The following LRBA variants were observed in gnomAD, a reference collection of about 807,000 sequenced individuals.
LRBA encodes LPS responsive beige-like anchor protein.
LRBA carries 176 observed loss-of-function variants against 330.0 expected under a neutral mutation model. The ratio of observed to expected loss-of-function variants is 0.53; its 90% CI spans 0.47 to 0.60. The LOEUF is 0.60. Among genes scored for constraint, LRBA ranks in the 20% least tolerant of loss-of-function variants. LRBA has a pLI of 0.00. For missense variants in LRBA, 3,259 were observed against 3,444.8 expected, an observed-to-expected ratio of 0.95 and a Z score of 1.35; for synonymous variants, 1,230 against 1,193.0, an observed-to-expected ratio of 1.03 and a Z score of -0.64.
chr4:150,311,414 ATATT>A (rs1190922566), intron 51 of LRBA: 1 of 152,214 alleles, frequency 6.6e-6, no homozygotes, highest in Non-Finnish European at 1.5e-5. Flanking sequence ...ACATAGAAAA[ATATT>A]TATATGCTAT....
intron 31 of LRBA, among the ~76,000 whole-genome samples, chr4:150,813,427 G>A (rs1395910858): frequency 6.6e-6 from 1 of 151,942 alleles, no homozygotes; most frequent in Non-Finnish European, 1.5e-5. Flanking sequence ...CATAAGCTAA[G>A]GTATACTATT....
At chr4:150,471,825 T>C (rs1283544560) in intron 42 of LRBA, 86 bp from the exon 43 acceptor site, 1 of 725,632 alleles carries the variant, frequency 1.4e-6, no homozygotes, top group African/African-American at 1.8e-5. Flanking sequence ...ATTCATAATA[T>C]CTATAATTCT....
intron 47 of LRBA, among the ~76,000 whole-genome samples, chr4:150,364,322 G>T (rs1202046304): frequency 6.6e-6 from 1 of 152,156 alleles, no homozygotes; most frequent in African/African-American, 2.4e-5. Flanking sequence ...GTTTTACATG[G>T]ACTATTTTAT....
chr4:150,908,920 A>G (rs1202364019), intron 9 of LRBA, 63 bp from the exon 10 acceptor site: 2 of 1,135,984 alleles, frequency 1.8e-6, no homozygotes, highest in Non-Finnish European at 2.6e-6. Context: ...ACAAATCAAC[A>G]CAGGTGTAAA....
At chr4:150,289,554 A>T (rs772499996) in intron 53 of LRBA, among the ~76,000 whole-genome samples, 2 of 152,184 alleles carry the variant, frequency 1.3e-5, no homozygotes, top group Non-Finnish European at 2.9e-5. Context: ...TCCAGTAAAA[A>T]GACAGCGCTA....
At chr4:150,386,446 T>A (rs1743073808) in intron 47 of LRBA, among the ~76,000 whole-genome samples, 1 of 124,602 alleles carries the variant, frequency 8.0e-6, no homozygotes. Context: ...GGCCCCAGTG[T>A]GTGTTGTTCC....
intron 32 of LRBA, among the ~76,000 whole-genome samples, chr4:150,807,767 T>A (rs1263458184): frequency 6.6e-6 from 1 of 152,070 alleles, no homozygotes; most frequent in Non-Finnish European, 1.5e-5. Context: ...TGCCTCAGCA[T>A]CCCGAGTAGC....
At chr4:150,266,821 C>T (rs1745403067) in intron 56 of LRBA, among the ~76,000 whole-genome samples, 1 of 152,054 alleles carries the variant, frequency 6.6e-6, no homozygotes, top group Non-Finnish European at 1.5e-5. Context: ...CTACAGGAGA[C>T]CCACTTGAGA....
chr4:150,412,164 A>G (rs1653332700), intron 47 of LRBA, among the ~76,000 whole-genome samples: 1 of 152,182 alleles, frequency 6.6e-6, no homozygotes, highest in South Asian at 2.1e-4. Context: ...ACTCAACTCT[A>G]AACTATGTTT....
chr4:150,756,302 G>A (rs1023200100), intron 35 of LRBA, among the ~76,000 whole-genome samples: 2 of 152,200 alleles, frequency 1.3e-5, no homozygotes, highest in Middle Eastern at 3.4e-3. Flanking sequence ...AATATTTGGA[G>A]GGATCACAAG....
intron 2 of LRBA, among the ~76,000 whole-genome samples, chr4:150,998,650 C>T (rs1008591944): frequency 5.9e-5 from 9 of 152,060 alleles, no homozygotes; most frequent in Non-Finnish European, 1.0e-4. Flanking sequence ...CAACCGCACC[C>T]GGCAGGAAAA....
chr4:150,479,065 C>A (rs1459971326), intron 42 of LRBA, among the ~76,000 whole-genome samples: 1 of 152,038 alleles, frequency 6.6e-6, no homozygotes, highest in East Asian at 1.9e-4. Context: ...GGCAGGATCA[C>A]TTCAGCCCAG....
chr4:150,982,662 T>C (rs774563403), intron 2 of LRBA, among the ~76,000 whole-genome samples: 1 of 151,648 alleles, frequency 6.6e-6, no homozygotes, highest in Non-Finnish European at 1.5e-5. Context: ...ATTTGCATTT[T>C]TTACCACCAC....
At chr4:150,526,674 G>A (rs1282513162) in intron 40 of LRBA, among the ~76,000 whole-genome samples, 2 of 151,938 alleles carry the variant, frequency 1.3e-5, no homozygotes, top group African/African-American at 4.8e-5. Context: ...TGCCAGATTT[G>A]TATCATCTAT....
chr4:150,471,892 C>T (rs1482303610), intron 42 of LRBA, among the ~76,000 whole-genome samples, 153 bp from the exon 43 acceptor site: 1 of 152,018 alleles, frequency 6.6e-6, no homozygotes, highest in African/African-American at 2.4e-5. Flanking sequence ...ATCTACAATT[C>T]ATGGTTAAAC....
At chr4:150,768,290 A>G (rs1466148556) in intron 34 of LRBA, among the ~76,000 whole-genome samples, 1 of 152,098 alleles carries the variant, frequency 6.6e-6, no homozygotes, top group Non-Finnish European at 1.5e-5. Context: ...AACATGAGGA[A>G]GGAAATCAAT....
intron 44 of LRBA, among the ~76,000 whole-genome samples, chr4:150,442,155 G>C (rs1381418561): frequency 6.6e-6 from 1 of 152,110 alleles, no homozygotes; most frequent in Admixed American, 6.6e-5. Flanking sequence ...AGATTTGCTT[G>C]TGTTAGCTAA....
At chr4:150,641,679 C>CCTTTATATGTTCTT (rs1174826213) in intron 37 of LRBA, among the ~76,000 whole-genome samples, 4 of 151,964 alleles carry the variant, frequency 2.6e-5, no homozygotes, top group Non-Finnish European at 5.9e-5. Flanking sequence ...TCAATCAATA[C>CCTTTATATGTTCTT]CTTTATATGT....
At chr4:150,841,076 AT>A (rs1330100704) in intron 28 of LRBA, 1 of 816,630 alleles carries the variant, frequency 1.2e-6, no homozygotes, top group African/African-American at 1.8e-5. Context: ...ACAAAGGTAC[AT>A]TTGTCTTTTT....
Sources: gnomAD v4.1 joint callset for allele counts (sites outside exome capture counted in the v4.1 genomes callset) on GRCh38, gnomAD v4.1.1 for gene constraint, MANE v1.5 for transcripts, NCBI Gene and HGNC (gene_info 2026-07-23, HGNC 2026-07-21) for gene names.